ZNF385D: variants seen among roughly 807,000 people sequenced by gnomAD.
ZNF385D encodes the protein zinc finger protein 385D.
Under a neutral mutation model 35.8 loss-of-function variants are expected in ZNF385D, and 15 were observed. That is an observed-to-expected ratio of 0.42 (90% CI 0.28 to 0.64). ZNF385D has a LOEUF of 0.64. Among genes scored for constraint, ZNF385D ranks in the 30% least tolerant of loss-of-function variants. The pLI is 0.23. For synonymous variants in ZNF385D, 212 were observed against 186.8 expected (o/e 1.13, Z -1.10); for missense variants, 474 against 494.6 (o/e 0.96, Z 0.39).
Position 22,327,713 on chromosome 3 carries a change from A to T in ZNF385D, c.106+44737T>A, listed in dbSNP as rs1003690305. Among the ~76,000 whole-genome samples the T allele has an allele frequency of 2.6e-5, 4 of 152,154 alleles. No individual in the cohort carries two copies. The South Asian group carries it at 8.3e-4, about 31-fold the overall frequency. On this transcript the variant is annotated intron_variant, in intron 2 of 5. Coordinates refer to the ZNF385D transcript ENST00000494108. ...TGCATGCTGCTTGGCAGATATGAAG[A>T]GGGTGATGTGTATTTAAACGGAGCT...
At chr3:22,368,120 C>T (rs983165906) in intron 2 of ZNF385D, among the ~76,000 whole-genome samples, 4 of 152,108 alleles carry the variant, frequency 2.6e-5, no homozygotes, top group African/African-American at 7.2e-5. Flanking sequence ...GAGAACTGTC[C>T]CTATGTGTTG....
chr3:21,642,823 T>C (rs1029386631), intron 2 of ZNF385D, among the ~76,000 whole-genome samples: 4 of 152,242 alleles, frequency 2.6e-5, no homozygotes, highest in East Asian at 1.9e-4. Flanking sequence ...GAGGACATTA[T>C]ACTAAGTAAA....
At chr3:22,176,575 G>C (rs1175569534) in intron 2 of ZNF385D, among the ~76,000 whole-genome samples, 1 of 152,178 alleles carries the variant, frequency 6.6e-6, no homozygotes, top group Non-Finnish European at 1.5e-5. Context: ...CAAGTTGATG[G>C]AAGTCTTAAC....
intron 3 of ZNF385D, among the ~76,000 whole-genome samples, chr3:21,926,021 T>C (rs1700707666): frequency 6.6e-6 from 1 of 152,190 alleles, no homozygotes; most frequent in Non-Finnish European, 1.5e-5. Flanking sequence ...CACTTATACG[T>C]GGATAGTCGG....
chr3:22,334,057 T>G (rs1382069057), intron 2 of ZNF385D, among the ~76,000 whole-genome samples: 2 of 152,222 alleles, frequency 1.3e-5, no homozygotes, highest in Non-Finnish European at 2.9e-5. Flanking sequence ...ATACACATCC[T>G]TTCGCTTTTA....
rs116330084 is a variant in ZNF385D, at chr3:22,187,059, G to T, written c.107-18024C>A. 2.4e-3 allele frequency among the ~76,000 whole-genome samples: 369 copies of T among 152,182 alleles called. 1 individual carries two copies. Among genetic ancestry groups the T allele is most frequent in the African/African-American group, 8.2e-3 (340 of 41,528 alleles). ...CAGGCACTGGCTTTAGACTCAGGGC[G>T]TAATGACATACCAGATTATAACAAA... is the stretch of plus-strand genomic sequence containing the variant. On this transcript the variant is annotated intron_variant, in intron 2 of 5. Transcript: ENST00000494108.
chr3:21,858,747 T>C (rs546930163), intron 3 of ZNF385D, among the ~76,000 whole-genome samples: 11 of 152,234 alleles, frequency 7.2e-5, no homozygotes, highest in South Asian at 6.2e-4. Context: ...GCACGAATGA[T>C]TGGATATCCA....
intron 3 of ZNF385D, among the ~76,000 whole-genome samples, chr3:21,980,918 T>A (rs998165418): frequency 1.3e-5 from 2 of 152,192 alleles, no homozygotes; most frequent in African/African-American, 4.8e-5. Context: ...TATGGTTGCA[T>A]AGCATTCCAT....
chr3:22,116,431 T>A (rs1052294960), intron 3 of ZNF385D, among the ~76,000 whole-genome samples: 9 of 152,040 alleles, frequency 5.9e-5, no homozygotes, highest in African/African-American at 2.2e-4. Context: ...CATGAATGAA[T>A]GCATTCTGTA....
chr3:22,042,240 C>T (rs1334750747), intron 3 of ZNF385D, among the ~76,000 whole-genome samples: 1 of 152,044 alleles, frequency 6.6e-6, no homozygotes, highest in Non-Finnish European at 1.5e-5. Context: ...TCTTAATCTG[C>T]AAAATGAAGA....
chr3:21,798,265 A>T (rs2072242032), intron 3 of ZNF385D, among the ~76,000 whole-genome samples: 1 of 152,216 alleles, frequency 6.6e-6, no homozygotes, highest in African/African-American at 2.4e-5. Context: ...TCTTCGGCGC[A>T]TGGCCTCACT....
intron 3 of ZNF385D, among the ~76,000 whole-genome samples, chr3:21,932,137 G>T (rs1010816925): frequency 8.3e-6 from 1 of 120,864 alleles, no homozygotes; most frequent in Non-Finnish European, 1.6e-5. Context: ...CCTGCACTCC[G>T]GCCTGGGCGA....
At chr3:21,750,290 A>G (rs2070000250) in intron 1 of ZNF385D, among the ~76,000 whole-genome samples, 2 of 152,204 alleles carry the variant, frequency 1.3e-5, no homozygotes, top group South Asian at 2.1e-4. Flanking sequence ...CCGTGGCACA[A>G]AACTGACCTG....
chr3:21,949,775 C>T (rs2593325), intron 3 of ZNF385D, among the ~76,000 whole-genome samples: 3 of 151,670 alleles, frequency 2.0e-5, no homozygotes, highest in East Asian at 2.0e-4. Context: ...TCTCATTGTT[C>T]GACTCCCACT....
In ZNF385D at chr3:21,620,998, G is replaced by GCACA. The variant is rs112953905; in HGVS notation, c.165+43884_165+43887dup. On this transcript the variant is annotated intron_variant, in intron 2 of 7. Transcript: ENST00000281523. Reference sequence around the variant, plus strand: ...CACAGGCATGCACATGTGTGTGTGCGCACACACACACACACACAATTTTCT... The same window carrying GCACA: ...CACAGGCATGCACATGTGTGTGTGCGCACACACACACACACACACACAATTTTCT... Among the ~76,000 whole-genome samples the GCACA allele has an allele frequency of 3.8e-3, 580 of 150,680 alleles. 2 individuals are homozygous for GCACA. The highest frequency in any genetic ancestry group is 0.013 in the African/African-American group (539 of 41,154).
intron 2 of ZNF385D, among the ~76,000 whole-genome samples, chr3:21,628,892 G>A (rs3911498): frequency 0.12 from 18,953 of 151,974 alleles, 1,323 homozygotes; most frequent in East Asian, 0.18. Context: ...TTCCTTAAAT[G>A]TGACCTAAAA....
chr3:22,043,410 A>G (rs921554411), intron 3 of ZNF385D, among the ~76,000 whole-genome samples: 1 of 152,176 alleles, frequency 6.6e-6, no homozygotes, highest in African/African-American at 2.4e-5. Context: ...ATAGGCATAG[A>G]TACAAACTGA....
intron 4 of ZNF385D, among the ~76,000 whole-genome samples, chr3:21,444,114 C>T (rs1702010241): frequency 6.8e-6 from 1 of 146,550 alleles, no homozygotes; most frequent in Non-Finnish European, 1.5e-5. Context: ...GAGTCTCGCT[C>T]TGTCACCCAG....
rs377176581 is a variant in ZNF385D, at chr3:22,192,334, G to T, written c.107-23299C>A. On this transcript the variant is annotated intron_variant, in intron 2 of 5. Coordinates refer to the ZNF385D transcript ENST00000494108. Reference sequence around the variant, plus strand: ...AAATCATATTGTAGCCTGAGAAAATGAAGCTGTTCTAGCCACTTCTAAGAT... The same window carrying T: ...AAATCATATTGTAGCCTGAGAAAATTAAGCTGTTCTAGCCACTTCTAAGAT... Among the ~76,000 whole-genome samples, 5 of 152,248 alleles carry T rather than the reference G, an allele frequency of 3.3e-5. No homozygotes were observed. The South Asian group carries it at 6.2e-4, about 19-fold the overall frequency.
Sources: allele counts gnomAD v4.1 joint callset (sites outside exome capture counted in the v4.1 genomes callset), GRCh38; gene constraint gnomAD v4.1.1; transcripts MANE v1.5; gene names NCBI Gene and HGNC (gene_info 2026-07-23, HGNC 2026-07-21).